EYS: variants seen among roughly 807,000 people sequenced by gnomAD.
EYS encodes the protein protein eyes shut homolog.
A neutral mutation model predicts 282.1 loss-of-function variants in EYS; 250 were observed. The ratio of observed to expected loss-of-function variants is 0.89; its 90% CI spans 0.80 to 0.98. The LOEUF is 0.98. EYS is among the 50% of genes least tolerant of loss of function. EYS has a pLI of 0.00. For missense variants in EYS, 4,016 were observed against 3,709.0 expected (o/e 1.08, Z -2.15); for synonymous variants, 1,355 against 1,282.9 (o/e 1.06, Z -1.20).
At chr6:64,982,398 T>G (rs1770707138) in intron 14 of EYS, among the ~76,000 whole-genome samples, 1 of 151,406 alleles carries the variant, frequency 6.6e-6, no homozygotes, top group Admixed American at 6.6e-5. Flanking sequence ...AAGAATCATT[T>G]ATTTACTGTG....
chr6:64,481,022 C>T (rs1236523694), intron 26 of EYS, among the ~76,000 whole-genome samples: 1 of 151,310 alleles, frequency 6.6e-6, no homozygotes, highest in Non-Finnish European at 1.5e-5. Flanking sequence ...TTACTCTTTT[C>T]ACAATTATAG....
chr6:64,933,240 A>G (rs1768787728), intron 15 of EYS, among the ~76,000 whole-genome samples: 1 of 152,074 alleles, frequency 6.6e-6, no homozygotes, highest in African/African-American at 2.4e-5. Context: ...TTAAAAAACA[A>G]ATAGAATTTC....
chr6:63,991,757 A>C (rs1019803220), intron 34 of EYS, among the ~76,000 whole-genome samples: 2 of 151,720 alleles, frequency 1.3e-5, no homozygotes, highest in African/African-American at 4.8e-5. Flanking sequence ...AAGAAGCTGA[A>C]GTACTCCAAC....
At chr6:65,651,472 A>C (rs953391908) in intron 1 of EYS, among the ~76,000 whole-genome samples, 3 of 152,002 alleles carry the variant, frequency 2.0e-5, no homozygotes, top group East Asian at 3.8e-4. Context: ...TGTCTCTTCT[A>C]TAACTTTCTT....
At chr6:64,480,075 A>G (rs1018279483) in intron 26 of EYS, among the ~76,000 whole-genome samples, 1 of 151,900 alleles carries the variant, frequency 6.6e-6, no homozygotes, top group African/African-American at 2.4e-5. Flanking sequence ...TTTTCAAGCG[A>G]GTAGTAATTG....
chr6:65,558,348 C>T (rs569431302), intron 2 of EYS, among the ~76,000 whole-genome samples: 19 of 152,334 alleles, frequency 1.2e-4, no homozygotes, highest in South Asian at 6.2e-4. Flanking sequence ...TGGCTTATGA[C>T]GGTGCCTGGG....
intron 2 of EYS, among the ~76,000 whole-genome samples, chr6:65,546,802 C>T (rs1173526921): frequency 2.0e-5 from 3 of 152,032 alleles, no homozygotes; most frequent in Non-Finnish European, 2.9e-5. Flanking sequence ...AAATACTGAC[C>T]TCAAGTGATC....
At chr6:64,930,109 T>C (rs1377753455) in intron 15 of EYS, among the ~76,000 whole-genome samples, 1 of 152,160 alleles carries the variant, frequency 6.6e-6, no homozygotes, top group African/African-American at 2.4e-5. Context: ...GAATATTTAA[T>C]GTAGACACAC....
intron 12 of EYS, among the ~76,000 whole-genome samples, chr6:65,208,225 G>A (rs1766085270): frequency 6.6e-6 from 1 of 151,786 alleles, no homozygotes; most frequent in South Asian, 2.1e-4. Context: ...CGAATCATCA[G>A]AGAAATGCAA....
intron 22 of EYS, among the ~76,000 whole-genome samples, chr6:64,676,067 T>C (rs952688881): frequency 1.3e-5 from 2 of 148,394 alleles, no homozygotes; most frequent in African/African-American, 4.9e-5. Context: ...GATAGATCTA[T>C]ATATAGATAG....
chr6:64,671,479 G>C (rs1390777321), intron 22 of EYS, among the ~76,000 whole-genome samples: 1 of 152,120 alleles, frequency 6.6e-6, no homozygotes. Flanking sequence ...AATTTCTGTT[G>C]TTTATAAGCC....
chr6:64,847,679 C>A (rs886087087), intron 19 of EYS, among the ~76,000 whole-genome samples: 1 of 152,002 alleles, frequency 6.6e-6, no homozygotes, highest in Non-Finnish European at 1.5e-5. Context: ...TTTGGATTTA[C>A]ACTAACCCCT....
chr6:65,409,440 A>T (rs982149267), intron 5 of EYS, among the ~76,000 whole-genome samples: 1 of 152,222 alleles, frequency 6.6e-6, no homozygotes, highest in African/African-American at 2.4e-5. Context: ...TAACTGCAGT[A>T]GTAGGCTGAC....
chr6:64,515,975 T>C lies in EYS; in HGVS notation c.5644+74248A>G, dbSNP rs868159795. ...TATTAACTAGGTTTTCCCATTCATATATGTGCATTAAATTCCAGCTTTTAA... is the reference window on the plus strand; with the variant it reads ...TATTAACTAGGTTTTCCCATTCATACATGTGCATTAAATTCCAGCTTTTAA... On this transcript the variant is annotated intron_variant, in intron 26 of 42. Transcript: ENST00000503581. 2.0e-5 allele frequency among the ~76,000 whole-genome samples: 3 copies of C among 151,826 alleles called. No homozygotes were observed. The South Asian group carries it at 6.2e-4, about 31-fold the overall frequency.
At chr6:64,308,031 C>T (rs1655225624) in intron 29 of EYS, among the ~76,000 whole-genome samples, 1 of 151,920 alleles carries the variant, frequency 6.6e-6, no homozygotes, top group Admixed American at 6.6e-5. Flanking sequence ...AGCTAATACA[C>T]TCATCCTTCC....
chr6:64,659,076 G>A (rs1031026483), intron 22 of EYS, among the ~76,000 whole-genome samples: 1 of 152,102 alleles, frequency 6.6e-6, no homozygotes, highest in Admixed American at 6.6e-5. Context: ...TCAGGATTAA[G>A]AAACTCACTC....
intron 12 of EYS, among the ~76,000 whole-genome samples, chr6:65,160,009 A>G (rs1307041623): frequency 6.6e-6 from 1 of 151,044 alleles, no homozygotes; most frequent in African/African-American, 2.4e-5. Flanking sequence ...GACGTCTAGA[A>G]TATTTCCCAC....
intron 22 of EYS, among the ~76,000 whole-genome samples, chr6:64,754,630 T>C (rs1012035108): frequency 3.9e-5 from 6 of 152,122 alleles, no homozygotes; most frequent in African/African-American, 1.4e-4. Flanking sequence ...TTATAAAGAA[T>C]ACACCAAAAT....
chr6:64,754,671 T>A (rs1399116732), intron 22 of EYS, among the ~76,000 whole-genome samples: 2 of 152,160 alleles, frequency 1.3e-5, no homozygotes, highest in Non-Finnish European at 2.9e-5. Context: ...TACAGAAAGA[T>A]GGTTCAACGT....
Sources: allele counts gnomAD v4.1 joint callset (sites outside exome capture counted in the v4.1 genomes callset), GRCh38; gene constraint gnomAD v4.1.1; transcripts MANE v1.5; gene names NCBI Gene and HGNC (gene_info 2026-07-23, HGNC 2026-07-21).